BARD1: variants seen among roughly 807,000 people sequenced by gnomAD.
BARD1 encodes the protein BRCA1-associated RING domain protein 1.
BARD1 carries 73 observed loss-of-function variants against 77.0 expected under a neutral mutation model. The observed-to-expected ratio is 0.95, with a 90% confidence interval of 0.79 to 1.15. The LOEUF (loss-of-function observed/expected upper bound fraction) is 1.15. Ranked by LOEUF, BARD1 falls within the 50% of genes most tolerant of loss-of-function variation. The pLI is 0.00. For synonymous variants in BARD1, 384 were observed against 338.0 expected, an observed-to-expected ratio of 1.14 and a Z score of -1.49; for missense variants, 993 against 938.8, an observed-to-expected ratio of 1.06 and a Z score of -0.75.
At chr2:214,752,829 T>C (rs1175636082) in intron 6 of BARD1, among the ~76,000 whole-genome samples, 1 of 152,158 alleles carries the variant, frequency 6.6e-6, no homozygotes, top group African/African-American at 2.4e-5. Context: ...AAAATATGGC[T>C]TCATAATCAC....
At chr2:214,760,189 T>C (rs1693888798) in intron 6 of BARD1, among the ~76,000 whole-genome samples, 2 of 152,214 alleles carry the variant, frequency 1.3e-5, no homozygotes, top group South Asian at 4.1e-4. Context: ...GCACCATTCA[T>C]GATACATTAT....
At chr2:214,765,568 T>A (rs1351787625) in intron 6 of BARD1, among the ~76,000 whole-genome samples, 5 of 152,152 alleles carry the variant, frequency 3.3e-5, no homozygotes, top group Admixed American at 3.3e-4. Context: ...CAGTGCTCCA[T>A]CCATTAAAGT....
At chr2:214,761,524 T>G (rs572611813) in intron 6 of BARD1, among the ~76,000 whole-genome samples, 1 of 152,206 alleles carries the variant, frequency 6.6e-6, no homozygotes, top group East Asian at 1.9e-4. Context: ...TTTAAATGTA[T>G]TAACAACATC....
At chr2:214,765,244 G>A (rs962825956) in intron 6 of BARD1, among the ~76,000 whole-genome samples, 2 of 152,102 alleles carry the variant, frequency 1.3e-5, no homozygotes, top group African/African-American at 4.8e-5. Context: ...ACCTAAATTT[G>A]CCACTTCACT....
chr2:214,739,086 C>G (rs898922304), intron 9 of BARD1, among the ~76,000 whole-genome samples: 3 of 152,142 alleles, frequency 2.0e-5, no homozygotes, highest in Non-Finnish European at 4.4e-5. Context: ...GAGTTCATGG[C>G]TGCAAAGAGC....
intron 3 of BARD1, among the ~76,000 whole-genome samples, chr2:214,787,908 A>C (rs946726638): frequency 2.0e-5 from 3 of 152,014 alleles, no homozygotes; most frequent in Non-Finnish European, 2.9e-5. Flanking sequence ...TCTTTGACGA[A>C]CCAGTCCCTT....
chr2:214,758,140 C>T (rs919995181), intron 6 of BARD1, among the ~76,000 whole-genome samples: 3 of 152,144 alleles, frequency 2.0e-5, no homozygotes, highest in East Asian at 1.9e-4. Flanking sequence ...ATGGCATCAA[C>T]GTAGCATGGT....
chr2:214,768,858 G>A (rs1195533628), intron 5 of BARD1, among the ~76,000 whole-genome samples: 1 of 152,192 alleles, frequency 6.6e-6, no homozygotes, highest in African/African-American at 2.4e-5. Context: ...ACTTCCTTGT[G>A]ATCACTTTCC....
At chr2:214,798,669 G>C (rs138250177) in intron 1 of BARD1, among the ~76,000 whole-genome samples, 54 of 150,382 alleles carry the variant, frequency 3.6e-4, no homozygotes, top group African/African-American at 1.3e-3. Flanking sequence ...TAATTGTGCT[G>C]ACCTCTTAGA....
intron 3 of BARD1, among the ~76,000 whole-genome samples, chr2:214,789,657 C>T (rs1019980536): frequency 8.5e-5 from 13 of 152,070 alleles, no homozygotes; most frequent in African/African-American, 1.9e-4. Context: ...ACCTACACTT[C>T]GAACCAAAAA....
At position 214,791,337 on chromosome 2, in the gene BARD1, A is replaced by G. The variant is rs1479578178; in HGVS notation, c.364+960T>C. Among the ~76,000 whole-genome samples, 6 of 152,332 alleles carry G rather than the reference A, an allele frequency of 3.9e-5. No individual in the cohort carries two copies. The South Asian group carries it at 8.3e-4, about 21-fold the overall frequency. ...TAATCAACTTCATCTTTAGCTGACAATAAGACATCATGGCAGGATTCTAAG... is the reference window on the plus strand; with the variant it reads ...TAATCAACTTCATCTTTAGCTGACAGTAAGACATCATGGCAGGATTCTAAG... On this transcript the variant is annotated intron_variant, in intron 3 of 10. Transcript: ENST00000260947.
chr2:214,772,181 C>G (rs1406359520), intron 4 of BARD1, among the ~76,000 whole-genome samples: 1 of 152,090 alleles, frequency 6.6e-6, no homozygotes, highest in Non-Finnish European at 1.5e-5. Flanking sequence ...GTTGCCCAAA[C>G]TAATGGACTC....
intron 7 of BARD1, among the ~76,000 whole-genome samples, chr2:214,749,107 C>G (rs1043587045): frequency 2.6e-5 from 4 of 151,940 alleles, no homozygotes; most frequent in East Asian, 1.9e-4. Flanking sequence ...TGGCACAGAG[C>G]CCTCTCTGCT....
At chr2:214,741,048 G>T (rs1040533966) in intron 9 of BARD1, among the ~76,000 whole-genome samples, 1 of 152,008 alleles carries the variant, frequency 6.6e-6, no homozygotes, top group African/African-American at 2.4e-5. Flanking sequence ...TGATTATGAG[G>T]TTATTTATTA....
chr2:214,767,215 C>T (rs930649662), intron 6 of BARD1, among the ~76,000 whole-genome samples: 2 of 151,962 alleles, frequency 1.3e-5, no homozygotes, highest in East Asian at 1.9e-4. Flanking sequence ...TTTTTTTATC[C>T]GATCTGTCAT....
intron 9 of BARD1, among the ~76,000 whole-genome samples, chr2:214,741,668 A>G (rs974755864): frequency 6.6e-6 from 1 of 152,138 alleles, no homozygotes; most frequent in African/African-American, 2.4e-5. Flanking sequence ...TTTCTTATCT[A>G]TAGCTCCTAT....
intron 4 of BARD1, among the ~76,000 whole-genome samples, chr2:214,777,760 C>T (rs567821747): frequency 6.6e-6 from 1 of 152,306 alleles, no homozygotes; most frequent in South Asian, 2.1e-4. Flanking sequence ...GTAGCTTTAA[C>T]TTTAGAGCCA....
chr2:214,729,805 C>A (rs1040965252), intron 10 of BARD1, among the ~76,000 whole-genome samples: 1 of 152,086 alleles, frequency 6.6e-6, no homozygotes, highest in Non-Finnish European at 1.5e-5. Flanking sequence ...CAATTCTGCC[C>A]ATCCACATTC....
At chr2:214,803,407 T>C (rs889451741) in intron 1 of BARD1, among the ~76,000 whole-genome samples, 1 of 152,216 alleles carries the variant, frequency 6.6e-6, no homozygotes, top group East Asian at 1.9e-4. Flanking sequence ...GGCAATGGAA[T>C]GTCTCAGTAT....
Sources: allele counts gnomAD v4.1 joint callset (sites outside exome capture counted in the v4.1 genomes callset), GRCh38; gene constraint gnomAD v4.1.1; transcripts MANE v1.5; gene names NCBI Gene and HGNC (gene_info 2026-07-23, HGNC 2026-07-21).